Variants in TMEM132C observed in about 807,000 individuals in gnomAD.
TMEM132C encodes transmembrane protein 132C.
A neutral mutation model predicts 61.4 loss-of-function variants in TMEM132C; 29 were observed. The ratio of observed to expected loss-of-function variants is 0.47; its 90% CI spans 0.35 to 0.64. TMEM132C has a LOEUF of 0.64. Ranked by LOEUF, TMEM132C falls within the 30% of genes least tolerant of loss-of-function variation. The pLI is 0.00. For synonymous variants in TMEM132C, 656 were observed against 633.1 expected (o/e 1.04, Z -0.54); for missense variants, 1,408 against 1,476.9 (o/e 0.95, Z 0.76).
At chr12:128,524,444 T>G (rs555844229) in intron 2 of TMEM132C, among the ~76,000 whole-genome samples, 2 of 152,314 alleles carry the variant, frequency 1.3e-5, no homozygotes, top group South Asian at 4.1e-4. Flanking sequence ...TAGCCCTACA[T>G]AGCTCATGGA....
intron 1 of TMEM132C, among the ~76,000 whole-genome samples, chr12:128,352,082 T>G (rs1873353638): frequency 6.6e-6 from 1 of 152,152 alleles, no homozygotes; most frequent in African/African-American, 2.4e-5. Flanking sequence ...CTTCACTGAT[T>G]GCACAAGGCC....
At chr12:128,680,344 G>T (rs1355175079) in intron 5 of TMEM132C, among the ~76,000 whole-genome samples, 1 of 152,214 alleles carries the variant, frequency 6.6e-6, no homozygotes, top group East Asian at 1.9e-4. Context: ...TTCGAACTCA[G>T]GTCTGCCTGA....
intron 2 of TMEM132C, among the ~76,000 whole-genome samples, chr12:128,419,068 A>G (rs1868884717): frequency 6.6e-6 from 1 of 152,182 alleles, no homozygotes; most frequent in Non-Finnish European, 1.5e-5. Flanking sequence ...GAAACAGGCA[A>G]CACTTCCTGC....
At position 128,467,698 on chromosome 12, in the gene TMEM132C, C is replaced by G. The variant is rs141353727; in HGVS notation, c.974+52078C>G. ...CAAGAATGGAGCATGGGGGAGGGAG[C>G]AGGATGAAGAGCCCAGACTGGAGCT... On this transcript the variant is annotated intron_variant, in intron 2 of 8. Coordinates refer to ENST00000435159, the MANE Select transcript of TMEM132C (RefSeq NM_001136103.3). Among the ~76,000 whole-genome samples, 154 of 152,220 alleles carry G rather than the reference C, an allele frequency of 1.0e-3. 1 individual carries two copies. The highest frequency in any genetic ancestry group is 3.4e-3 in the African/African-American group (141 of 41,528).
chr12:128,534,730 T>C (rs1184657208), intron 2 of TMEM132C, among the ~76,000 whole-genome samples: 1 of 152,216 alleles, frequency 6.6e-6, no homozygotes, highest in African/African-American at 2.4e-5. Context: ...ACTAGTTCCT[T>C]GAAGTAGACA....
intron 1 of TMEM132C, among the ~76,000 whole-genome samples, chr12:128,315,730 C>A (rs951629211): frequency 6.6e-6 from 1 of 151,986 alleles, no homozygotes; most frequent in Non-Finnish European, 1.5e-5. Context: ...TGAGGTCATG[C>A]TGGAGTAGGT....
At chr12:128,301,646 G>T (rs1406373770) in intron 1 of TMEM132C, among the ~76,000 whole-genome samples, 1 of 152,152 alleles carries the variant, frequency 6.6e-6, no homozygotes, top group Non-Finnish European at 1.5e-5. Context: ...AAAGAAATTT[G>T]CAAGGATTGG....
At chr12:128,282,399 A>G (rs191726666) in intron 1 of TMEM132C, among the ~76,000 whole-genome samples, 39 of 152,368 alleles carry the variant, frequency 2.6e-4, no homozygotes, top group Non-Finnish European at 1.3e-4. Flanking sequence ...CAATCATGGC[A>G]GAAGGCAAAG....
At chr12:128,593,066 T>C (rs1593112307) in intron 3 of TMEM132C, among the ~76,000 whole-genome samples, 1 of 107,150 alleles carries the variant, frequency 9.3e-6, no homozygotes, top group Admixed American at 1.5e-4. Flanking sequence ...TCTCTTTCTT[T>C]CCTTTCTCAT....
At chr12:128,668,839 A>T (rs747601698) in intron 4 of TMEM132C, among the ~76,000 whole-genome samples, 21 of 152,208 alleles carry the variant, frequency 1.4e-4, no homozygotes, top group Middle Eastern at 3.4e-3. Flanking sequence ...CCACTGCAAC[A>T]TCTCCTCCTC....
At chr12:128,642,298 A>C (rs560283686) in intron 4 of TMEM132C, among the ~76,000 whole-genome samples, 12 of 150,962 alleles carry the variant, frequency 7.9e-5, no homozygotes, top group Non-Finnish European at 1.3e-4. Flanking sequence ...TGTCTGGCTA[A>C]TTTTTTGTAT....
rs144679470 is a variant in TMEM132C, at chr12:128,487,935, C to T, written c.975-56022C>T. ...CTGCTTCCATTAAAATTAATTAAAA[C>T]CAAACTTCAAAACACAGTTCTTCCA... On this transcript the variant is annotated intron_variant, in intron 2 of 8. Transcript: ENST00000435159. Among the ~76,000 whole-genome samples the T allele has an allele frequency of 7.4e-3, 1,132 of 152,294 alleles. 13 individuals are homozygous for T. The highest frequency in any genetic ancestry group is 0.026 in the African/African-American group (1,078 of 41,550).
At chr12:128,473,223 CATCTTTGTCCTTACTCCAGCGTCT>C (rs1871014154) in intron 2 of TMEM132C, among the ~76,000 whole-genome samples, 1 of 36,318 alleles carries the variant, frequency 2.8e-5, no homozygotes, top group Non-Finnish European at 5.8e-5. Context: ...CTCCAGCCTC[CATCTTTGTCCTTACTCCAGCGTCT>C]ATCTTCATCC....
chr12:128,571,779 C>G (rs1874893536), intron 3 of TMEM132C, among the ~76,000 whole-genome samples: 1 of 152,200 alleles, frequency 6.6e-6, no homozygotes, highest in Non-Finnish European at 1.5e-5. Flanking sequence ...GAACTCAGAT[C>G]TATTCCATTA....
At chr12:128,702,790 C>T (rs926404292) in intron 8 of TMEM132C, among the ~76,000 whole-genome samples, 1 of 152,226 alleles carries the variant, frequency 6.6e-6, no homozygotes, top group Non-Finnish European at 1.5e-5. Context: ...GCTGCTGTAT[C>T]TCTGGCTCAG....
At chr12:128,351,397 C>A (rs902314385) in intron 1 of TMEM132C, among the ~76,000 whole-genome samples, 1 of 151,962 alleles carries the variant, frequency 6.6e-6, no homozygotes, top group Non-Finnish European at 1.5e-5. Flanking sequence ...CATATATATT[C>A]AAATATATCA....
At chr12:128,536,143 A>G (rs1388501135) in intron 2 of TMEM132C, among the ~76,000 whole-genome samples, 11 of 152,230 alleles carry the variant, frequency 7.2e-5, no homozygotes, top group South Asian at 2.1e-4. Context: ...AACCAACCCA[A>G]ATGTCCACCA....
chr12:128,682,418 AT>A (rs1179762377), intron 5 of TMEM132C, among the ~76,000 whole-genome samples: 1 of 152,202 alleles, frequency 6.6e-6, no homozygotes, highest in Non-Finnish European at 1.5e-5. Context: ...GATGACATTC[AT>A]CCAAGCAATG....
At chr12:128,404,272 A>AT (rs1293015234) in intron 1 of TMEM132C, among the ~76,000 whole-genome samples, 2 of 152,292 alleles carry the variant, frequency 1.3e-5, no homozygotes, top group Non-Finnish European at 2.9e-5. Context: ...TTGTGGGCAT[A>AT]TTTGTATATT....
Sources: allele counts gnomAD v4.1 joint callset (sites outside exome capture counted in the v4.1 genomes callset), GRCh38; gene constraint gnomAD v4.1.1; transcripts MANE v1.5; gene names NCBI Gene and HGNC (gene_info 2026-07-23, HGNC 2026-07-21).